HDAC7: variants seen among roughly 807,000 people sequenced by gnomAD.
HDAC7 encodes histone deacetylase 7, also known as histone deacetylase 7A.
In HDAC7, 26 loss-of-function variants were observed where a neutral mutation model predicts 115.5. The observed-to-expected ratio is 0.23, with a 90% CI of 0.16 to 0.31. The LOEUF (loss-of-function observed/expected upper bound fraction) is 0.31. HDAC7 is among the 10% of genes least tolerant of loss of function. The probability of loss-of-function intolerance (pLI) is 1.00; values close to 1 mark genes in which losing one functional copy is unlikely to be tolerated. For missense variants in HDAC7, 1,068 were observed against 1,329.0 expected, an observed-to-expected ratio of 0.80 and a Z score of 3.05; for synonymous variants, 564 against 550.9, an observed-to-expected ratio of 1.02 and a Z score of -0.33.
rs370944935 is a variant in HDAC7, at chr12:47,813,491, T to TG, written c.19+6275dup. On this transcript the variant is annotated intron_variant, in intron 1 of 25. Coordinates refer to ENST00000080059, the MANE Select transcript of HDAC7 (RefSeq NM_015401.5). ...GAGCTAGGCTCCTTGGAATGGGTCC[T>TG]GCAGGGAGGAAGCTGAACTGAAGGG... The TG allele has an allele frequency of 1.8e-3, 276 of 152,500 alleles. 2 individuals carry two copies. Among genetic ancestry groups the TG allele is most frequent in the African/African-American group, 6.4e-3 (266 of 41,578 alleles). 9.4% of individuals were successfully genotyped at this position (152,500 alleles called of 1,614,324 possible).
chr12:47,814,820 T>C (rs1944806576), intron 1 of HDAC7, among the ~76,000 whole-genome samples: 1 of 152,224 alleles, frequency 6.6e-6, no homozygotes, highest in Non-Finnish European at 1.5e-5. Flanking sequence ...ACGGCATCAA[T>C]GTCACCTTCT....
chr12:47,815,616 G>A (rs1944827304), intron 1 of HDAC7, among the ~76,000 whole-genome samples: 1 of 152,130 alleles, frequency 6.6e-6, no homozygotes, highest in Non-Finnish European at 1.5e-5. Context: ...CTGATGATCT[G>A]AATGTTTTTA....
At position 47,798,252 on chromosome 12, in the gene HDAC7, T is replaced by G. The variant is rs770744145; in HGVS notation, c.350-33A>C. On this transcript the variant is annotated intron_variant, in intron 4 of 25. Transcript: ENST00000080059. The surrounding 1 kb of genome is among the most constrained non-coding windows in gnomAD (Gnocchi z 4.3). ...GGCAGAGTCAGGAGGGGGCTGGAGGTGGGTGGACAGGCGGCCTCGTGGCAC... is the reference window on the plus strand; with the variant it reads ...GGCAGAGTCAGGAGGGGGCTGGAGGGGGGTGGACAGGCGGCCTCGTGGCAC... The G allele has an allele frequency of 7.7e-6, 12 of 1,550,892 alleles. No homozygotes were observed. The highest frequency in any genetic ancestry group is 1.1e-5 in the Non-Finnish European group (12 of 1,123,700).
Position 47,795,378 on chromosome 12 carries a change from G to T in HDAC7, c.1090C>A (p.Pro364Thr), listed in dbSNP as rs1375386921. 2 of 1,591,094 alleles carry T rather than the reference G, an allele frequency of 1.3e-6. No individual in the cohort carries two copies. The highest frequency in any genetic ancestry group is 1.3e-5 in the African/African-American group (1 of 74,302). ...SGSHAPLLTV[P>T]GLGPLPFHFA... ...TGGAAGGGCAAGGGCCCAAGCCCGG[G>T]CACTGGAAAGAATCGGGGGGTGGAA... is the stretch of plus-strand genomic sequence containing the variant. Residue 364 changes from proline (P) to threonine (T), a missense_variant and splice_region_variant, in exon 11 of 26, where the codon CCC (proline) becomes ACC (threonine). This residue lies in a region of HDAC7 where 618 missense variants were observed against 701.5 expected (regional missense o/e 0.88). Transcript: ENST00000080059. The surrounding 1 kb of genome is among the most constrained non-coding windows in gnomAD (Gnocchi z 4.3).
intron 1 of HDAC7, chr12:47,813,603 A>T (rs2137066464): frequency 6.5e-6 from 1 of 152,690 alleles, no homozygotes; most frequent in African/African-American, 2.4e-5. Context: ...CAATCCCTGC[A>T]GGCAAGATGG....
chr12:47,785,775 C>G lies in HDAC7; in HGVS notation c.2683G>C (p.Val895Leu). 3.1e-6 allele frequency: 5 copies of G among 1,608,476 alleles called. No individual in the cohort carries two copies. The highest frequency in any genetic ancestry group is 4.2e-6 in the Non-Finnish European group (5 of 1,177,616). Residue 895 changes from valine (V) to leucine (L), a missense_variant, in exon 23 of 26, where the codon GTG becomes CTG. Physicochemically the swap from Val to Leu is conservative, Grantham distance 32. This residue lies in a region of HDAC7 where 98 missense variants were observed against 123.9 expected (regional missense o/e 0.79). Transcript: ENST00000080059. ...TAICDASEAC[V>L]AALLGNRVDP... Reference sequence around the variant, plus strand: ...ACCCTGTTACCCAGAAGAGCAGCCACACAGGCCTCAGAGGCGTCACAGATG... The same window carrying G: ...ACCCTGTTACCCAGAAGAGCAGCCAGACAGGCCTCAGAGGCGTCACAGATG...
chr12:47,820,626 A>G (rs1944992990), upstream of HDAC7: 1 of 152,090 alleles, frequency 6.6e-6, no homozygotes, highest in African/African-American at 2.4e-5. This position sits in a 1 kb window ranked among gnomAD's most constrained non-coding sequence, Gnocchi z 4.3. Flanking sequence ...GGTGGTGCAG[A>G]TTTTGAAAGT....
In HDAC7 at chr12:47,795,816, A is replaced by G; in HGVS notation, c.907-49T>C. On this transcript the variant is annotated intron_variant, in intron 9 of 25. Transcript: ENST00000080059. This position sits in a 1 kb window ranked among gnomAD's most constrained non-coding sequence, Gnocchi z 4.3. ...ACGGGGAAGAAGATTCCAGCAGAGA[A>G]CAATGAAGATGATGGGGTGAGGCAG... 2.8e-6 allele frequency: 4 copies of G among 1,429,804 alleles called. No individual in the cohort carries two copies. Among genetic ancestry groups the G allele is most frequent in the Non-Finnish European group, 3.7e-6 (4 of 1,074,098 alleles). The allele number at this position is 1,429,804 out of a possible 1,614,324, so 88.6% of individuals were successfully genotyped here.
In HDAC7 at chr12:47,791,892, C is replaced by A. The variant is rs1943548496; in HGVS notation, c.1791G>T (p.Arg597=). Residue 597 remains arginine (R), a synonymous_variant, in exon 14 of 26, where the codon CGG becomes CGT. Transcript: ENST00000080059. Reference sequence around the variant, plus strand: ...TCACCTCACACTGGCTCCGGAGCCCCCGCTCCTGCAGCCGGGACCAGATGC... The same window carrying A: ...TCACCTCACACTGGCTCCGGAGCCCACGCTCCTGCAGCCGGGACCAGATGC... ...IQSIWSRLQE[R]GLRSQCECLR... is the part of the protein sequence containing the mutation. 1.2e-6 allele frequency: 2 copies of A among 1,611,276 alleles called. No homozygotes were observed. The highest frequency in any genetic ancestry group is 1.7e-6 in the Non-Finnish European group (2 of 1,179,454).
chr12:47,791,384 G>C (rs11832133), intron 15 of HDAC7, 76 bp from the exon 16 acceptor site: 1,006,488 of 1,456,156 alleles, frequency 0.69, 350,511 homozygotes, highest in East Asian at 0.95. Context: ...GGAGCCCAGA[G>C]AGCAGGGCCG....
At chr12:47,794,092 A>C (rs926616866) in intron 12 of HDAC7, among the ~76,000 whole-genome samples, 3 of 152,222 alleles carry the variant, frequency 2.0e-5, no homozygotes, top group Non-Finnish European at 4.4e-5. Context: ...GCCTTAACCC[A>C]GTATGACTAT....
chr12:47,790,827 C>A (rs933017935), intron 16 of HDAC7: 2 of 236,344 alleles, frequency 8.5e-6, no homozygotes. Context: ...GCCAAGGACA[C>A]CGGAAGCACC....
At position 47,795,623 on chromosome 12, in the gene HDAC7, G is replaced by A; in HGVS notation, c.1051C>T (p.Leu351=). ...LPSRLQPILL[L]DPSGSHAPLL... The stretch of plus-strand genomic sequence containing the variant: ...GGGGCATGAGAGCCTGAGGGGTCCA[G>A]GAGGAGAATGGGCTGCAGGCGAGAG... The change falls in exon 10 of 26, where the codon CTG becomes TTG. Residue 351 remains leucine (L), a synonymous_variant. Transcript: ENST00000080059. The surrounding 1 kb of genome is among the most constrained non-coding windows in gnomAD (Gnocchi z 4.3). 1 of 1,560,232 alleles carries A rather than the reference G, an allele frequency of 6.4e-7. No homozygotes were observed. Among genetic ancestry groups the A allele is most frequent in the Non-Finnish European group, 8.7e-7 (1 of 1,152,216 alleles).
chr12:47,820,098 G>A (rs1211117755), upstream of HDAC7: 1 of 151,078 alleles, frequency 6.6e-6, no homozygotes, highest in Non-Finnish European at 1.5e-5. This position sits in a 1 kb window ranked among gnomAD's most constrained non-coding sequence, Gnocchi z 4.3. Context: ...CAGACACCGC[G>A]CGCGGCCAGA....
rs1194545853 is a variant in HDAC7, at chr12:47,794,787, G to T, written c.1431C>A (p.Gly477=). 6.2e-7 allele frequency: 1 copy of T among 1,609,658 alleles called. No homozygotes were observed. The highest frequency in any genetic ancestry group is 2.2e-5 in the East Asian group (1 of 44,646). The change falls in exon 12 of 26, where the codon GGC becomes GGA. Residue 477 remains glycine, a synonymous_variant. Transcript: ENST00000080059. The part of the protein sequence containing the change: ...ELGHGQPEAR[G]PAPLQQHPQV... ...GAGGGTGCTGCTGGAGAGGAGCGGG[G>T]CCTCTGGCCTCAGGCTGCCCATGGC...
rs1372897500 is a variant in HDAC7, at chr12:47,797,597, G to A, written c.462-98C>T. ...TGGGACCTGAGGGGGAGGCTGCAGCGGGCAGGGCTGGGCAATGTGGGGCTG... is the reference window on the plus strand; with the variant it reads ...TGGGACCTGAGGGGGAGGCTGCAGCAGGCAGGGCTGGGCAATGTGGGGCTG... On this transcript the variant is annotated intron_variant, in intron 5 of 25. Transcript: ENST00000080059. This position sits in a 1 kb window ranked among gnomAD's most constrained non-coding sequence, Gnocchi z 5.5. The A allele has an allele frequency of 2.2e-5, 18 of 825,156 alleles. No homozygotes were observed. The highest frequency in any genetic ancestry group is 5.2e-5 in the East Asian group (2 of 38,494). The allele number at this position is 825,156 out of a possible 1,614,324, so 51.1% of individuals were successfully genotyped here.
chr12:47,789,649 A>G (rs1943372488), intron 17 of HDAC7, 71 bp from the exon 18 acceptor site: 1 of 1,545,388 alleles, frequency 6.5e-7, no homozygotes, highest in Non-Finnish European at 8.9e-7. Context: ...GTACCCCAAG[A>G]GTTCCAATCT....
In HDAC7 at chr12:47,785,281, G is replaced by A. The variant is rs1158191091; in HGVS notation, c.2791+106C>T. 7.8e-6 allele frequency: 7 copies of A among 901,964 alleles called. No homozygotes were observed. In the Admixed American group the frequency reaches 1.7e-4, roughly 22 times the overall value. 55.9% of individuals were successfully genotyped at this position (901,964 alleles called of 1,614,324 possible). A position where few individuals can be genotyped will look rare whatever the true frequency, so the allele number is the denominator to read the frequency against. ...GGAATCTTACTCCAGACCAACAGCA[G>A]GTCACCTGGCTGGCACCGGAAGCCC... On this transcript the variant is annotated intron_variant, in intron 24 of 25. Transcript: ENST00000080059.
chr12:47,807,141 T>C (rs1197298505), intron 1 of HDAC7, among the ~76,000 whole-genome samples: 6 of 152,156 alleles, frequency 3.9e-5, no homozygotes, highest in Non-Finnish European at 8.8e-5. Context: ...TGTTTTGCCA[T>C]GTTGGCCAGG....
Sources: gnomAD v4.1 joint callset for allele counts (sites outside exome capture counted in the v4.1 genomes callset) on GRCh38, gnomAD v4.1.1 for gene constraint, gnomAD v4.1.1 regional missense constraint, Gnocchi (gnomAD v3.1) non-coding constraint, MANE v1.5 for transcripts, NCBI Gene and HGNC (gene_info 2026-07-23, HGNC 2026-07-21) for gene names.